Variants in GSTCD observed in about 807,000 individuals in gnomAD.
The protein encoded by GSTCD is glutathione S-transferase C-terminal domain-containing protein.
In GSTCD, 44 loss-of-function variants were observed where a neutral mutation model predicts 68.3. That is an observed-to-expected ratio of 0.64 (90% CI 0.51 to 0.83). The LOEUF (loss-of-function observed/expected upper bound fraction) is 0.83, where lower values mean the gene tolerates loss of function less well. Among genes scored for constraint, GSTCD ranks in the 40% least tolerant of loss-of-function variants. The probability of loss-of-function intolerance (pLI) is 0.00; values close to 1 mark genes in which losing one functional copy is unlikely to be tolerated. For synonymous variants in GSTCD, 273 were observed against 255.2 expected (o/e 1.07, Z -0.67); for missense variants, 739 against 735.9 (o/e 1.00, Z -0.05).
At chr4:105,755,502 C>T (rs1384782560) in intron 5 of GSTCD, among the ~76,000 whole-genome samples, 1 of 152,158 alleles carries the variant, frequency 6.6e-6, no homozygotes, top group African/African-American at 2.4e-5. Context: ...CAACACATTA[C>T]TTCTGATACT....
intron 5 of GSTCD, among the ~76,000 whole-genome samples, chr4:105,802,459 G>C (rs893601269): frequency 3.9e-5 from 6 of 151,970 alleles, no homozygotes; most frequent in Admixed American, 3.9e-4. Flanking sequence ...ATACCTAAAG[G>C]CAGTAGAATC....
intron 5 of GSTCD, among the ~76,000 whole-genome samples, chr4:105,743,042 C>T (rs1006674607): frequency 7.9e-5 from 12 of 151,750 alleles, no homozygotes; most frequent in Admixed American, 3.3e-4. Flanking sequence ...CGCCGCCTCC[C>T]GGTTTGACGC....
chr4:105,830,916 C>T (rs993684389), intron 8 of GSTCD, among the ~76,000 whole-genome samples: 4 of 152,070 alleles, frequency 2.6e-5, no homozygotes, highest in African/African-American at 9.7e-5. Flanking sequence ...CTCTTCTCTC[C>T]TAGTAGAAAG....
intron 5 of GSTCD, among the ~76,000 whole-genome samples, chr4:105,819,554 T>C (rs938121705): frequency 6.6e-6 from 1 of 151,780 alleles, no homozygotes; most frequent in Non-Finnish European, 1.5e-5. Flanking sequence ...ATGAAAACCA[T>C]AGCAACTGTG....
chr4:105,754,067 C>T (rs991650705), intron 5 of GSTCD, among the ~76,000 whole-genome samples: 4 of 151,844 alleles, frequency 2.6e-5, no homozygotes, highest in African/African-American at 7.3e-5. Context: ...CTATTCATTA[C>T]GATTGAAATT....
rs77318938 is a variant in GSTCD, at chr4:105,728,676, T to C, written c.1147-730T>C. On this transcript the variant is annotated intron_variant, in intron 4 of 11. Coordinates refer to ENST00000515279, the MANE Select transcript of GSTCD (RefSeq NM_001370181.1). ...ACAGAGCCATGGAGATATCTAGATA[T>C]AGATATATAGATATAGATATAGATA... 7.3e-3 allele frequency among the ~76,000 whole-genome samples: 559 copies of C among 77,004 alleles called. 11 individuals carry two copies. The highest frequency in any genetic ancestry group is 0.03 in the East Asian group (65 of 2,168). 50.5% of individuals were successfully genotyped at this position (77,004 alleles called of 152,430 possible).
At chr4:105,771,780 G>A (rs1055057073) in intron 5 of GSTCD, among the ~76,000 whole-genome samples, 2 of 152,140 alleles carry the variant, frequency 1.3e-5, no homozygotes, top group East Asian at 1.9e-4. Flanking sequence ...TAGCCTTGTA[G>A]TATAGTCTGA....
intron 5 of GSTCD, among the ~76,000 whole-genome samples, chr4:105,735,810 C>T (rs564249765): frequency 4.0e-4 from 61 of 152,062 alleles, no homozygotes; most frequent in Middle Eastern, 3.4e-3. Flanking sequence ...TGTTCCTATT[C>T]GGCCATCTTG....
intron 5 of GSTCD, among the ~76,000 whole-genome samples, chr4:105,737,112 G>A (rs1199068249): frequency 6.6e-6 from 1 of 152,110 alleles, no homozygotes; most frequent in Admixed American, 6.5e-5. Context: ...TATCCAGCAA[G>A]GGAATTGCTA....
At chr4:105,711,263 GTGTT>G (rs140284999) in intron 1 of GSTCD, among the ~76,000 whole-genome samples, 12,766 of 152,122 alleles carry the variant, frequency 0.084, 1,658 homozygotes, top group African/African-American at 0.28. Context: ...AGAAAAGTAA[GTGTT>G]TGTGATTTTT....
chr4:105,827,512 G>A (rs1578516184), intron 8 of GSTCD, among the ~76,000 whole-genome samples: 1 of 152,068 alleles, frequency 6.6e-6, no homozygotes, highest in Non-Finnish European at 1.5e-5. Context: ...TTGCTTAGAA[G>A]GTTAAATTAA....
intron 8 of GSTCD, among the ~76,000 whole-genome samples, chr4:105,831,669 A>G (rs1337417984): frequency 1.3e-5 from 2 of 152,006 alleles, no homozygotes; most frequent in Admixed American, 6.6e-5. Context: ...AGTTTGTTAT[A>G]TATTAAGAAT....
chr4:105,845,808 G>A lies in GSTCD; in HGVS notation c.*231G>A, dbSNP rs2149291199. On this transcript the variant is annotated 3_prime_UTR_variant, in exon 12 of 12. Coordinates refer to ENST00000515279, the MANE Select transcript of GSTCD (RefSeq NM_001370181.1). The stretch of plus-strand genomic sequence containing the variant: ...CTGGTTTTTATAGTGAGAATCCCCT[G>A]AAGTCTCAGCTGCCAAAAGAATAAT... 1 of 493,686 alleles carries A rather than the reference G, an allele frequency of 2.0e-6. No homozygotes were observed. Among genetic ancestry groups the A allele is most frequent in the Non-Finnish European group, 3.7e-6 (1 of 273,426 alleles). 30.6% of individuals were successfully genotyped at this position (493,686 alleles called of 1,614,324 possible). A position where few individuals can be genotyped will look rare whatever the true frequency, so the allele number is the denominator to read the frequency against.
chr4:105,749,661 C>T (rs1578434482), intron 5 of GSTCD, among the ~76,000 whole-genome samples: 4 of 147,872 alleles, frequency 2.7e-5, no homozygotes, highest in Admixed American at 2.7e-4. Context: ...TTAAAGTTAA[C>T]CCAAAATAGA....
intron 1 of GSTCD, among the ~76,000 whole-genome samples, chr4:105,710,576 A>G (rs1055794042): frequency 6.6e-6 from 1 of 151,828 alleles, no homozygotes; most frequent in Non-Finnish European, 1.5e-5. Flanking sequence ...TTGTTTCATC[A>G]TCTGTGATTT....
chr4:105,764,172 A>G (rs1346979696), intron 5 of GSTCD, among the ~76,000 whole-genome samples: 1 of 152,182 alleles, frequency 6.6e-6, no homozygotes, highest in African/African-American at 2.4e-5. Context: ...GTATTTAGTT[A>G]TATATATGCT....
At chr4:105,809,773 T>C (rs967886600) in intron 5 of GSTCD, among the ~76,000 whole-genome samples, 1 of 152,096 alleles carries the variant, frequency 6.6e-6, no homozygotes, top group East Asian at 1.9e-4. Context: ...TTTTCCACTT[T>C]CAATGTAAGT....
chr4:105,749,389 A>G (rs1219075542), intron 5 of GSTCD, among the ~76,000 whole-genome samples: 3 of 151,972 alleles, frequency 2.0e-5, no homozygotes, highest in African/African-American at 7.2e-5. Context: ...TAAATTTTAT[A>G]TGGAAAAAAA....
chr4:105,739,605 T>C (rs1163170638), intron 5 of GSTCD, among the ~76,000 whole-genome samples: 4 of 152,138 alleles, frequency 2.6e-5, no homozygotes, highest in Admixed American at 6.5e-5. Flanking sequence ...ATGACTGCAG[T>C]TGGTGGCCAA....
Sources: gnomAD v4.1 joint callset for allele counts (sites outside exome capture counted in the v4.1 genomes callset) on GRCh38, gnomAD v4.1.1 for gene constraint, MANE v1.5 for transcripts, NCBI Gene and HGNC (gene_info 2026-07-23, HGNC 2026-07-21) for gene names.